NXPH1: variants seen among roughly 807,000 people sequenced by gnomAD.
The protein encoded by NXPH1 is neurexophilin-1.
Under a neutral mutation model 23.7 loss-of-function variants are expected in NXPH1, and 5 were observed. The observed-to-expected ratio is 0.21, with a 90% CI of 0.11 to 0.44. NXPH1 has a LOEUF of 0.44. NXPH1 is among the 20% of genes least tolerant of loss of function. The pLI, the probability that NXPH1 is intolerant of heterozygous loss-of-function variation, is 0.99. For missense variants in NXPH1, 324 were observed against 321.6 expected, an observed-to-expected ratio of 1.01 and a Z score of -0.06; for synonymous variants, 144 against 122.2, an observed-to-expected ratio of 1.18 and a Z score of -1.18.
In NXPH1 at chr7:8,574,290, T is replaced by G. The variant is rs570380846; in HGVS notation, c.54+138523T>G. On this transcript the variant is annotated intron_variant, in intron 2 of 2. Transcript: ENST00000405863. Reference sequence around the variant, plus strand: ...TTTAAATTTTCAAAATTAAAAACATTTTTTTAAGAGATGGGGTCTTTCTAT... The same window carrying G: ...TTTAAATTTTCAAAATTAAAAACATGTTTTTAAGAGATGGGGTCTTTCTAT... Among the ~76,000 whole-genome samples, 13 of 152,248 alleles carry G rather than the reference T, an allele frequency of 8.5e-5. No individual in the cohort carries two copies. In the South Asian group the frequency reaches 2.7e-3, roughly 32 times the overall value.
chr7:8,606,209 T>C (rs957727815), intron 2 of NXPH1, among the ~76,000 whole-genome samples: 1 of 152,066 alleles, frequency 6.6e-6, no homozygotes, highest in African/African-American at 2.4e-5. Flanking sequence ...AGGAAACAGA[T>C]GAACAGATTG....
intron 2 of NXPH1, among the ~76,000 whole-genome samples, chr7:8,446,845 G>A (rs560089822): frequency 4.0e-5 from 6 of 151,560 alleles, no homozygotes; most frequent in Admixed American, 1.3e-4. Flanking sequence ...AAAAATCATG[G>A]TGACATTTTA....
chr7:8,747,599 CACAA>C (rs1241772568), intron 2 of NXPH1, among the ~76,000 whole-genome samples: 2 of 152,150 alleles, frequency 1.3e-5, no homozygotes, highest in African/African-American at 4.8e-5. Context: ...CTTTTTGCCA[CACAA>C]ACAATGGGAA....
intron 2 of NXPH1, among the ~76,000 whole-genome samples, chr7:8,594,227 T>G (rs1023489392): frequency 6.6e-6 from 1 of 152,102 alleles, no homozygotes; most frequent in Non-Finnish European, 1.5e-5. Flanking sequence ...TACAGTAGTT[T>G]TGAAAAGAGT....
intron 2 of NXPH1, among the ~76,000 whole-genome samples, chr7:8,469,662 T>C (rs1291980389): frequency 3.9e-5 from 6 of 152,104 alleles, no homozygotes; most frequent in Non-Finnish European, 5.9e-5. Flanking sequence ...ACCAGGGATC[T>C]TTACACTTTA....
At chr7:8,582,440 T>A (rs1470634881) in intron 2 of NXPH1, among the ~76,000 whole-genome samples, 1 of 151,956 alleles carries the variant, frequency 6.6e-6, no homozygotes, top group Non-Finnish European at 1.5e-5. Flanking sequence ...CTTCACTGAG[T>A]GATAGAATAG....
In NXPH1 at chr7:8,435,652, A is replaced by G; in HGVS notation, c.-62A>G. 2 of 1,466,288 alleles carry G rather than the reference A, an allele frequency of 1.4e-6. No homozygotes were observed. Among genetic ancestry groups the G allele is most frequent in the Non-Finnish European group, 9.6e-7 (1 of 1,045,420 alleles). 90.8% of individuals were successfully genotyped at this position (1,466,288 alleles called of 1,614,324 possible). ...TGTAAAGTGGATGTCAGGTGGATCT[A>G]TGTTTCTGAAGGAACAAAGACTCAA... On this transcript the variant is annotated 5_prime_UTR_variant, in exon 2 of 3. The change abolishes an upstream ATG in the 5' untranslated region. Coordinates refer to ENST00000405863, the MANE Select transcript of NXPH1 (RefSeq NM_152745.3). This position sits in a 1 kb window ranked among gnomAD's most constrained non-coding sequence, Gnocchi z 5.9.
intron 2 of NXPH1, among the ~76,000 whole-genome samples, chr7:8,473,633 C>T (rs118054394): frequency 0.027 from 4,098 of 151,906 alleles, 85 homozygotes; most frequent in South Asian, 0.042. Flanking sequence ...TCTCTCTATG[C>T]TGTGTTTTCT....
chr7:8,741,583 C>G (rs1029611963), intron 2 of NXPH1, among the ~76,000 whole-genome samples: 1 of 152,094 alleles, frequency 6.6e-6, no homozygotes, highest in East Asian at 1.9e-4. Context: ...TTGACCTTCT[C>G]ATAATAGTTA....
intron 2 of NXPH1, among the ~76,000 whole-genome samples, chr7:8,574,676 T>C (rs1818718482): frequency 6.6e-6 from 1 of 152,184 alleles, no homozygotes; most frequent in African/African-American, 2.4e-5. Context: ...AGAATCTATT[T>C]AAACATTGAA....
At chr7:8,482,728 A>G (rs1162438857) in intron 2 of NXPH1, among the ~76,000 whole-genome samples, 1 of 152,088 alleles carries the variant, frequency 6.6e-6, no homozygotes, top group African/African-American at 2.4e-5. Context: ...TGGTCAATCA[A>G]TCAGTTAGCC....
intron 2 of NXPH1, among the ~76,000 whole-genome samples, chr7:8,513,450 G>T (rs1259075638): frequency 2.6e-5 from 4 of 152,070 alleles, no homozygotes; most frequent in Non-Finnish European, 5.9e-5. Flanking sequence ...TCACATATTT[G>T]GTTGCAGAAA....
chr7:8,583,264 A>G (rs10262214), intron 2 of NXPH1, among the ~76,000 whole-genome samples: 494 of 152,288 alleles, frequency 3.2e-3, no homozygotes, highest in African/African-American at 0.011. Context: ...ACCATCTACT[A>G]TAGGTAGACA....
At chr7:8,739,017 G>T (rs1780312864) in intron 2 of NXPH1, among the ~76,000 whole-genome samples, 1 of 151,918 alleles carries the variant, frequency 6.6e-6, no homozygotes, top group Non-Finnish European at 1.5e-5. Flanking sequence ...AGACTGCTGT[G>T]CTGGCAGCAA....
chr7:8,741,873 T>C (rs1780373823), intron 2 of NXPH1, among the ~76,000 whole-genome samples: 1 of 152,090 alleles, frequency 6.6e-6, no homozygotes, highest in Non-Finnish European at 1.5e-5. Context: ...TACTCTATGC[T>C]AGGCACTCCT....
chr7:8,697,527 A>G (rs1225624528), intron 2 of NXPH1, among the ~76,000 whole-genome samples: 1 of 152,178 alleles, frequency 6.6e-6, no homozygotes, highest in Non-Finnish European at 1.5e-5. Flanking sequence ...TGCTGGGGTA[A>G]GGAGAAGAGT....
intron 2 of NXPH1, among the ~76,000 whole-genome samples, chr7:8,480,177 G>A (rs901630662): frequency 2.6e-5 from 4 of 152,048 alleles, no homozygotes; most frequent in Non-Finnish European, 5.9e-5. Flanking sequence ...GGTGGTTGCA[G>A]GAAGTTGGCC....
intron 2 of NXPH1, among the ~76,000 whole-genome samples, chr7:8,655,958 T>C (rs1820575583): frequency 6.6e-6 from 1 of 152,232 alleles, no homozygotes; most frequent in Non-Finnish European, 1.5e-5. Context: ...TTATATTTTG[T>C]TGTGCATGTG....
intron 2 of NXPH1, among the ~76,000 whole-genome samples, chr7:8,497,196 C>T (rs188046402): frequency 6.6e-6 from 1 of 152,232 alleles, no homozygotes; most frequent in East Asian, 1.9e-4. Flanking sequence ...TGAACTCATC[C>T]TTTATTACGG....
Sources: allele counts gnomAD v4.1 joint callset (sites outside exome capture counted in the v4.1 genomes callset), GRCh38; gene constraint gnomAD v4.1.1; non-coding constraint Gnocchi (gnomAD v3.1); transcripts MANE v1.5; gene names NCBI Gene and HGNC (gene_info 2026-07-23, HGNC 2026-07-21).